The following SLC24A2 variants were observed in gnomAD, a reference collection of about 807,000 sequenced individuals.
The protein encoded by SLC24A2 is sodium/potassium/calcium exchanger 2.
In SLC24A2, 36 loss-of-function variants were observed where a neutral mutation model predicts 62.0. The ratio of observed to expected loss-of-function variants is 0.58; its 90% CI spans 0.44 to 0.77. SLC24A2 has a LOEUF of 0.77. SLC24A2 is among the 30% of genes least tolerant of loss of function. The pLI is 0.00. For synonymous variants in SLC24A2, 358 were observed against 294.0 expected (o/e 1.22, Z -2.23); for missense variants, 846 against 817.9 (o/e 1.03, Z -0.42).
chr9:19,949,519 T>C, the SLC24A2 span, among the ~76,000 whole-genome samples: 11 of 152,206 alleles, frequency 7.2e-5, no homozygotes, highest in African/African-American at 2.4e-4. Context: ...CACCAATCTA[T>C]ATTCTTCCAT....
At chr9:19,517,957 A>ACACACACT (rs71504202) in intron 10 of SLC24A2, among the ~76,000 whole-genome samples, 153 of 135,576 alleles carry the variant, frequency 1.1e-3, no homozygotes, top group African/African-American at 4.0e-3. Flanking sequence ...ACACACACAC[A>ACACACACT]CTCTCACACT....
chr9:19,793,231 T>G (rs1249026810), upstream of SLC24A2, among the ~76,000 whole-genome samples: 1 of 152,266 alleles, frequency 6.6e-6, no homozygotes, highest in Admixed American at 6.5e-5. Flanking sequence ...TTTTTGTTTC[T>G]CACTTGTGCT....
intron 2 of SLC24A2, among the ~76,000 whole-genome samples, chr9:19,720,591 A>G (rs1820993831): frequency 1.3e-5 from 2 of 152,014 alleles, no homozygotes; most frequent in Non-Finnish European, 2.9e-5. Context: ...GTAGCTGTCC[A>G]TGGTGCTTAA....
chr9:19,754,447 C>T (rs998515306), intron 2 of SLC24A2, among the ~76,000 whole-genome samples: 6 of 152,174 alleles, frequency 3.9e-5, no homozygotes, highest in Admixed American at 3.3e-4. Context: ...GGGACTGGTG[C>T]CCAGTGTCTA....
intron 2 of SLC24A2, among the ~76,000 whole-genome samples, chr9:19,624,472 G>GA (rs533319674): frequency 1.3e-5 from 2 of 152,016 alleles, no homozygotes; most frequent in Admixed American, 6.6e-5. Context: ...CTGAAAAGAA[G>GA]AAAAAAATAT....
the SLC24A2 span, among the ~76,000 whole-genome samples, chr9:19,984,562 C>T: frequency 6.6e-6 from 1 of 151,996 alleles, no homozygotes; most frequent in Non-Finnish European, 1.5e-5. Flanking sequence ...AAAAATTAAC[C>T]AGGTGTGTTG....
intron 2 of SLC24A2, among the ~76,000 whole-genome samples, chr9:19,670,228 T>A (rs146323470): frequency 2.6e-5 from 4 of 152,330 alleles, no homozygotes; most frequent in Admixed American, 6.5e-5. Context: ...CAAGTAAGAA[T>A]GAAGGTCATG....
At chr9:20,224,008 A>G in the SLC24A2 span, among the ~76,000 whole-genome samples, 1 of 152,048 alleles carries the variant, frequency 6.6e-6, no homozygotes, top group East Asian at 1.9e-4. Context: ...ATGAACTGAC[A>G]AACACTTTAA....
At chr9:19,688,640 A>C (rs1564039275) in intron 2 of SLC24A2, among the ~76,000 whole-genome samples, 1 of 152,168 alleles carries the variant, frequency 6.6e-6, no homozygotes, top group Non-Finnish European at 1.5e-5. Context: ...CTTCATTTTA[A>C]GGACGCAAAG....
At chr9:19,824,116 G>C in the SLC24A2 span, among the ~76,000 whole-genome samples, 3 of 152,102 alleles carry the variant, frequency 2.0e-5, no homozygotes, top group African/African-American at 7.2e-5. Context: ...GCACGGACAA[G>C]GACTTCATGT....
chr9:19,958,988 C>A, the SLC24A2 span, among the ~76,000 whole-genome samples: 1 of 152,052 alleles, frequency 6.6e-6, no homozygotes, highest in Admixed American at 6.6e-5. Flanking sequence ...GTAGCAAGTC[C>A]CCCATCCCCT....
the SLC24A2 span, among the ~76,000 whole-genome samples, chr9:20,302,783 T>C: frequency 9.8e-5 from 15 of 152,322 alleles, no homozygotes; most frequent in Admixed American, 7.8e-4. Context: ...TTTGGTGGTG[T>C]TGTCATTTAT....
At chr9:20,125,021 T>C in the SLC24A2 span, among the ~76,000 whole-genome samples, 3 of 152,174 alleles carry the variant, frequency 2.0e-5, no homozygotes, top group Non-Finnish European at 4.4e-5. Context: ...GCAACTACCT[T>C]AACTTCTCTG....
the SLC24A2 span, among the ~76,000 whole-genome samples, chr9:20,122,093 A>C: frequency 2.6e-5 from 4 of 152,204 alleles, no homozygotes; most frequent in African/African-American, 9.6e-5. Flanking sequence ...GCAAGACTGG[A>C]TACCTAATTT....
the SLC24A2 span, among the ~76,000 whole-genome samples, chr9:19,994,075 G>T: frequency 2.2e-4 from 34 of 152,270 alleles, no homozygotes; most frequent in African/African-American, 8.2e-4. Context: ...GGCAGAGCTG[G>T]GATTAGAATG....
At chr9:19,811,075 T>A in the SLC24A2 span, among the ~76,000 whole-genome samples, 1 of 152,082 alleles carries the variant, frequency 6.6e-6, no homozygotes, top group East Asian at 1.9e-4. Flanking sequence ...TATGTTGAAA[T>A]TGATGTTATT....
chr9:19,772,840 G>T (rs1822730086), intron 2 of SLC24A2, among the ~76,000 whole-genome samples: 1 of 152,158 alleles, frequency 6.6e-6, no homozygotes, highest in South Asian at 2.1e-4. Context: ...CTACTCATAA[G>T]CATATGCCAA....
At chr9:19,901,337 T>C in the SLC24A2 span, among the ~76,000 whole-genome samples, 1 of 152,166 alleles carries the variant, frequency 6.6e-6, no homozygotes, top group Non-Finnish European at 1.5e-5. Context: ...GGGTTTCAAA[T>C]ACTGTTAACT....
At chr9:20,190,026 C>A in the SLC24A2 span, among the ~76,000 whole-genome samples, 1 of 152,152 alleles carries the variant, frequency 6.6e-6, no homozygotes, top group African/African-American at 2.4e-5. Context: ...ATTCCCGGCA[C>A]CCCACTGGGA....
Sources: allele counts gnomAD v4.1 joint callset (sites outside exome capture counted in the v4.1 genomes callset), GRCh38; gene constraint gnomAD v4.1.1; transcripts MANE v1.5; gene names NCBI Gene and HGNC (gene_info 2026-07-23, HGNC 2026-07-21).